Variants in PDE7B observed in about 807,000 individuals in gnomAD.
The protein encoded by PDE7B is 3',5'-cyclic-AMP phosphodiesterase 7B.
Under a neutral mutation model 56.2 loss-of-function variants are expected in PDE7B, and 29 were observed. The ratio of observed to expected loss-of-function variants is 0.52; its 90% confidence interval spans 0.38 to 0.70. PDE7B has a LOEUF of 0.70. PDE7B is among the 30% of genes least tolerant of loss of function. The probability of loss-of-function intolerance (pLI) is 0.00; values close to 1 mark genes in which losing one functional copy is unlikely to be tolerated. For synonymous variants in PDE7B, 197 were observed against 196.9 expected, an observed-to-expected ratio of 1.00 and a Z score of 0.00; for missense variants, 490 against 565.0, an observed-to-expected ratio of 0.87 and a Z score of 1.35.
rs1393154906 is a variant in PDE7B, at chr6:136,179,010, C to G, written c.817C>G (p.Gln273Glu). 6.2e-7 allele frequency: 1 copy of G among 1,614,152 alleles called. No individual in the cohort carries two copies. Among genetic ancestry groups the G allele is most frequent in the Non-Finnish European group, 8.5e-7 (1 of 1,179,994 alleles). Residue 273 changes from glutamine (Q) to glutamate (E), a missense_variant, in exon 10 of 13, where the codon CAG (glutamine) becomes GAG (glutamate). Transcript: ENST00000308191. ...LPKEMTQDIE[Q>E]QLGSLILATD... Reference sequence around the variant, plus strand: ...TTGTGGATGCAGACAGGATATTGAACAGCAGCTGGGCTCCTTGATCTTGGC... The same window carrying G: ...TTGTGGATGCAGACAGGATATTGAAGAGCAGCTGGGCTCCTTGATCTTGGC...
intron 2 of PDE7B, among the ~76,000 whole-genome samples, chr6:136,082,303 C>T (rs1307948674): frequency 1.3e-5 from 2 of 152,132 alleles, no homozygotes; most frequent in Non-Finnish European, 2.9e-5. Flanking sequence ...TTGCTCCATA[C>T]GTTGCTGCAG....
chr6:135,911,170 T>C (rs1776205917), intron 1 of PDE7B, among the ~76,000 whole-genome samples: 1 of 152,248 alleles, frequency 6.6e-6, no homozygotes, highest in African/African-American at 2.4e-5. Flanking sequence ...ACAAGAAGGC[T>C]GGGAGAGCTC....
At chr6:136,176,433 TAAA>T (rs1389992241) in intron 9 of PDE7B, among the ~76,000 whole-genome samples, 3 of 152,112 alleles carry the variant, frequency 2.0e-5, no homozygotes, top group Non-Finnish European at 4.4e-5. Flanking sequence ...TTTGTAGCAT[TAAA>T]AAGATGACAT....
chr6:136,004,155 C>G (rs1211014183), intron 2 of PDE7B, among the ~76,000 whole-genome samples: 1 of 152,130 alleles, frequency 6.6e-6, no homozygotes, highest in South Asian at 2.1e-4. Context: ...TTCAACAACC[C>G]TTCATGCTAA....
At chr6:136,155,877 G>T in intron 8 of PDE7B, 119 bp downstream of exon 8, 1 of 1,072,010 alleles carries the variant, frequency 9.3e-7, no homozygotes. Flanking sequence ...GTTCAAAGAC[G>T]AATGAAACAC....
At chr6:136,128,734 A>T (rs1393928650) in intron 3 of PDE7B, among the ~76,000 whole-genome samples, 1 of 152,188 alleles carries the variant, frequency 6.6e-6, no homozygotes. Context: ...GATAACGCAT[A>T]TATGGCTGAA....
chr6:135,969,374 A>G (rs1021658480), intron 2 of PDE7B, among the ~76,000 whole-genome samples: 2 of 152,168 alleles, frequency 1.3e-5, no homozygotes, highest in African/African-American at 4.8e-5. Context: ...TAAAATATGC[A>G]TTTTTCTAGG....
chr6:136,027,816 T>G (rs1292121717), intron 2 of PDE7B, among the ~76,000 whole-genome samples: 1 of 152,070 alleles, frequency 6.6e-6, no homozygotes, highest in Non-Finnish European at 1.5e-5. Flanking sequence ...GAGATGGGGT[T>G]TCACCATGTT....
intron 3 of PDE7B, among the ~76,000 whole-genome samples, chr6:136,123,706 A>G (rs970520298): frequency 6.6e-6 from 1 of 152,218 alleles, no homozygotes; most frequent in African/African-American, 2.4e-5. Flanking sequence ...ACTTCTCAGA[A>G]TCTTAGAATG....
chr6:136,102,826 A>C (rs1777585621), intron 2 of PDE7B, among the ~76,000 whole-genome samples: 1 of 152,166 alleles, frequency 6.6e-6, no homozygotes, highest in Non-Finnish European at 1.5e-5. Context: ...ACTACTATTT[A>C]CATATTCACT....
intron 1 of PDE7B, among the ~76,000 whole-genome samples, chr6:135,943,117 A>C (rs945556378): frequency 3.3e-5 from 5 of 152,224 alleles, no homozygotes; most frequent in Non-Finnish European, 5.9e-5. Context: ...CTAATATGGG[A>C]ATTAAAATAG....
chr6:135,964,491 A>G (rs1432660081), intron 2 of PDE7B, among the ~76,000 whole-genome samples: 4 of 152,202 alleles, frequency 2.6e-5, no homozygotes, highest in Non-Finnish European at 5.9e-5. Flanking sequence ...AATTGTACCC[A>G]TAATCATTGT....
intron 1 of PDE7B, among the ~76,000 whole-genome samples, chr6:135,858,519 A>T (rs548793035): frequency 6.6e-6 from 1 of 152,100 alleles, no homozygotes; most frequent in African/African-American, 2.4e-5. Context: ...AATTTCTCCC[A>T]TGTACCTTTG....
At chr6:135,857,616 T>C (rs1270556287) in intron 1 of PDE7B, among the ~76,000 whole-genome samples, 1 of 152,206 alleles carries the variant, frequency 6.6e-6, no homozygotes, top group Admixed American at 6.5e-5. Flanking sequence ...TCTTTGACTC[T>C]AGCAAATCTT....
chr6:136,134,672 C>CCCTGAACCCCGGATGTCAGAGATT (rs1562501474), intron 3 of PDE7B, among the ~76,000 whole-genome samples: 15 of 146,744 alleles, frequency 1.0e-4, no homozygotes, highest in African/African-American at 3.8e-4. Context: ...AGTTTTCCAA[C>CCCTGAACCCCGGATGTCAGAGATT]CAACCCTGAA....
At chr6:136,171,451 G>A (rs1045326753) in intron 8 of PDE7B, among the ~76,000 whole-genome samples, 2 of 152,118 alleles carry the variant, frequency 1.3e-5, no homozygotes, top group Non-Finnish European at 2.9e-5. Flanking sequence ...GTCTGAATGT[G>A]TCACCAGCTA....
chr6:135,897,775 T>TA (rs1273361357), intron 1 of PDE7B, among the ~76,000 whole-genome samples: 14 of 152,216 alleles, frequency 9.2e-5, no homozygotes, highest in Admixed American at 8.5e-4. Flanking sequence ...TACCATGACT[T>TA]ACCAGTATTC....
At chr6:135,871,457 C>A (rs1244758127) in intron 1 of PDE7B, among the ~76,000 whole-genome samples, 2 of 152,182 alleles carry the variant, frequency 1.3e-5, no homozygotes, top group African/African-American at 2.4e-5. Flanking sequence ...ACCAGAAAGA[C>A]ATTTTCTTCT....
Position 135,935,196 on chromosome 6 carries a change from A to ATATATTTT in PDE7B, c.22-12263_22-12262insTTTTATAT, listed in dbSNP as rs1562445468. On this transcript the variant is annotated intron_variant, in intron 1 of 12. Coordinates refer to ENST00000308191, the MANE Select transcript of PDE7B (RefSeq NM_018945.4). ...TTTATATATATATATTTATTTATATATATATATATATATATATATATTTTC... is the reference window on the plus strand; with the variant it reads ...TTTATATATATATATTTATTTATATATATATTTTTATATATATATATATATATATTTTC... Among the ~76,000 whole-genome samples the ATATATTTT allele has an allele frequency of 1.4e-4, 11 of 79,422 alleles. 2 individuals carry two copies. Among genetic ancestry groups the ATATATTTT allele is most frequent in the East Asian group, 8.7e-4 (2 of 2,308 alleles). The allele number at this position is 79,422 out of a possible 152,430, so 52.1% of individuals were successfully genotyped here. A position where few individuals can be genotyped will look rare whatever the true frequency, so the allele number is the denominator to read the frequency against.
Sources: allele counts gnomAD v4.1 joint callset (sites outside exome capture counted in the v4.1 genomes callset), GRCh38; gene constraint gnomAD v4.1.1; transcripts MANE v1.5; gene names NCBI Gene and HGNC (gene_info 2026-07-23, HGNC 2026-07-21).